The following ADGRE3 variants were observed in gnomAD, a reference collection of about 807,000 sequenced individuals.
ADGRE3 encodes the protein adhesion G protein-coupled receptor E3, also known as EGF-like module receptor 3.
ADGRE3 carries 88 observed loss-of-function variants against 80.1 expected under a neutral mutation model. The observed-to-expected ratio is 1.10, with a 90% confidence interval of 0.93 to 1.31. ADGRE3 has a LOEUF of 1.31. Ranked by LOEUF, ADGRE3 falls within the 40% of genes most tolerant of loss-of-function variation. The pLI, the probability that ADGRE3 is intolerant of heterozygous loss-of-function variation, is 0.00. For missense variants in ADGRE3, 715 were observed against 776.5 expected (o/e 0.92, Z 0.94); for synonymous variants, 281 against 294.8 (o/e 0.95, Z 0.48).
At chr19:14,655,845 G>C (rs1971740481) in intron 5 of ADGRE3, among the ~76,000 whole-genome samples, 1 of 151,996 alleles carries the variant, frequency 6.6e-6, no homozygotes, top group Non-Finnish European at 1.5e-5. Flanking sequence ...ACGGGGGGGT[G>C]ATTCTGCTAC....
intron 6 of ADGRE3, 131 bp downstream of exon 6, chr19:14,654,851 T>C (rs1489604934): frequency 1.5e-6 from 1 of 665,064 alleles, no homozygotes; most frequent in Non-Finnish European, 2.4e-6. Flanking sequence ...TTTTCTAGAA[T>C]TTATATAAAT....
In ADGRE3 at chr19:14,667,345, T is replaced by A. The variant is rs75932318; in HGVS notation, c.76+1457A>T. Among the ~76,000 whole-genome samples, 9 of 126,856 alleles carry A rather than the reference T, an allele frequency of 7.1e-5. No homozygotes were observed. In the East Asian group the frequency reaches 1.8e-3, roughly 26 times the overall value. 83.2% of individuals were successfully genotyped at this position (126,856 alleles called of 152,430 possible). A position where few individuals can be genotyped will look rare whatever the true frequency, so the allele number is the denominator to read the frequency against. Reference sequence around the variant, plus strand: ...TTTTCCATGAATGTCTTCTTTTCTGTTTTTTTTTTTTTTAAATTTGGTAAC... The same window carrying A: ...TTTTCCATGAATGTCTTCTTTTCTGATTTTTTTTTTTTTAAATTTGGTAAC... On this transcript the variant is annotated intron_variant, in intron 2 of 15. Coordinates refer to ENST00000253673, the MANE Select transcript of ADGRE3 (RefSeq NM_032571.5).
intron 6 of ADGRE3, among the ~76,000 whole-genome samples, chr19:14,651,949 C>T (rs191100810): frequency 2.0e-5 from 3 of 152,042 alleles, no homozygotes; most frequent in South Asian, 2.1e-4. Context: ...GGCTGAGGCA[C>T]GAGAATAGTT....
At chr19:14,617,340 C>CTT (rs1234516327), downstream of ADGRE3, among the ~76,000 whole-genome samples, 231 of 31,086 alleles carry the variant, frequency 7.4e-3, 1 homozygote, top group African/African-American at 0.015. Flanking sequence ...CTCCCTCCCT[C>CTT]CCTTTCTTTC....
At chr19:14,647,515 C>G in intron 7 of ADGRE3, 150 bp from the exon 8 acceptor site, 6 of 589,510 alleles carry the variant, frequency 1.0e-5, no homozygotes, top group South Asian at 2.2e-5. Context: ...CTCCCGGGTT[C>G]AAGTGATTCT....
intron 12 of ADGRE3, 108 bp from the exon 13 acceptor site, chr19:14,633,120 T>C: frequency 8.0e-7 from 1 of 1,256,202 alleles, no homozygotes; most frequent in African/African-American, 1.5e-5. Context: ...ACTGAATTGG[T>C]AGCAGGTGGA....
intron 9 of ADGRE3, among the ~76,000 whole-genome samples, chr19:14,642,307 T>G (rs1047807685): frequency 2.0e-5 from 3 of 151,860 alleles, no homozygotes; most frequent in Non-Finnish European, 4.4e-5. Context: ...AGGCCAGGAG[T>G]TCAAGACCGA....
intron 7 of ADGRE3, 27 bp downstream of exon 7, chr19:14,651,058 G>T: frequency 2.5e-6 from 4 of 1,613,530 alleles, no homozygotes; most frequent in Non-Finnish European, 3.4e-6. Context: ...CTGTGTGAAG[G>T]ATTCTGAATG....
chr19:14,606,623 T>C, the ADGRE3 span, among the ~76,000 whole-genome samples: 1 of 147,360 alleles, frequency 6.8e-6, no homozygotes, highest in Non-Finnish European at 1.5e-5. Flanking sequence ...GAAGCTGCAG[T>C]GAGCTGAGAT....
intron 11 of ADGRE3, among the ~76,000 whole-genome samples, chr19:14,633,819 C>T (rs1225015327): frequency 1.4e-5 from 2 of 146,954 alleles, no homozygotes; most frequent in African/African-American, 5.0e-5. Context: ...CTCTGTTGCC[C>T]AGGTTGGAGT....
rs1269041625 is a variant in ADGRE3, at chr19:14,647,492, C to A, written c.698-127G>T. The A allele has an allele frequency of 7.3e-6, 5 of 681,522 alleles. No homozygotes were observed. The African/African-American group carries it at 9.3e-5, about 13-fold the overall frequency. The allele number at this position is 681,522 out of a possible 1,614,324, so 42.2% of individuals were successfully genotyped here. ...AGTGCAGTGGCGTGATCTTGGCTCA[C>A]TGCAACCTCCGCCTCCCGGGTTCAA... On this transcript the variant is annotated intron_variant, in intron 7 of 15. Coordinates refer to ENST00000253673, the MANE Select transcript of ADGRE3 (RefSeq NM_032571.5).
At chr19:14,620,535 T>TATTA (rs1491197917) in intron 15 of ADGRE3, among the ~76,000 whole-genome samples, 3 of 16,862 alleles carry the variant, frequency 1.8e-4, no homozygotes, top group Non-Finnish European at 2.9e-4. Context: ...AATATATATA[T>TATTA]TTTATATATA....
At chr19:14,614,887 A>ATT (rs34761800), downstream of ADGRE3, among the ~76,000 whole-genome samples, 794 of 141,628 alleles carry the variant, frequency 5.6e-3, 4 homozygotes, top group African/African-American at 0.016. Flanking sequence ...CCCGGCCCCC[A>ATT]TTTTTTTTTT....
At chr19:14,660,423 TTGAGATCAGCC>T (rs1971912982) in intron 4 of ADGRE3, among the ~76,000 whole-genome samples, 1 of 151,986 alleles carries the variant, frequency 6.6e-6, no homozygotes, top group African/African-American at 2.4e-5. Context: ...GACCAGGAGT[TTGAGATCAGCC>T]TGGGCGACAT....
the ADGRE3 span, among the ~76,000 whole-genome samples, chr19:14,613,955 G>A: frequency 4.0e-5 from 6 of 151,774 alleles, no homozygotes; most frequent in African/African-American, 1.2e-4. Context: ...CAAAGTGCTG[G>A]GATTACAGGT....
At position 14,636,088 on chromosome 19, in the gene ADGRE3, T is replaced by TTCTTTC. The variant is rs1568481189; in HGVS notation, c.1484+2011_1484+2016dup. On this transcript the variant is annotated intron_variant, in intron 11 of 15. Transcript: ENST00000253673. The stretch of plus-strand genomic sequence containing the variant: ...TTCCTTTCCTTTCCTTTCCCTTTCT[T>TTCTTTC]TCTTTCTTTCTTTCTTTCTTTCTTT... 4.3e-4 allele frequency among the ~76,000 whole-genome samples: 13 copies of TTCTTTC among 29,940 alleles called. 1 individual carries two copies. Among genetic ancestry groups the TTCTTTC allele is most frequent in the Non-Finnish European group, 5.4e-4 (7 of 12,886 alleles). 19.6% of individuals were successfully genotyped at this position (29,940 alleles called of 152,430 possible).
chr19:14,658,394 TG>T (rs1433656574), intron 5 of ADGRE3, 118 bp downstream of exon 5: 10 of 399,130 alleles, frequency 2.5e-5, no homozygotes, highest in African/African-American at 2.2e-4. Context: ...ACATTATATA[TG>T]TATATATAAT....
At chr19:14,630,269 C>T (rs1970845882) in intron 13 of ADGRE3, 62 bp from the exon 14 acceptor site, 8 of 1,400,374 alleles carry the variant, frequency 5.7e-6, no homozygotes, top group Non-Finnish European at 7.7e-6. Context: ...GAACACCCCT[C>T]TAGTTAGCTG....
chr19:14,615,758 A>G (rs79381928), downstream of ADGRE3, among the ~76,000 whole-genome samples: 6 of 122,622 alleles, frequency 4.9e-5, no homozygotes, highest in African/African-American at 2.0e-4. Flanking sequence ...AGACTCTGCT[A>G]AAAAAAAAAA....
Sources: allele counts gnomAD v4.1 joint callset (sites outside exome capture counted in the v4.1 genomes callset), GRCh38; gene constraint gnomAD v4.1.1; transcripts MANE v1.5; gene names NCBI Gene and HGNC (gene_info 2026-07-23, HGNC 2026-07-21).